DOCK3: variants seen among roughly 807,000 people sequenced by gnomAD.
DOCK3 encodes the protein dedicator of cytokinesis protein 3.
A neutral mutation model predicts 265.6 loss-of-function variants in DOCK3; 60 were observed. That is an observed-to-expected ratio of 0.23 (90% CI 0.18 to 0.28). The LOEUF (loss-of-function observed/expected upper bound fraction) is 0.28, where lower values mean the gene tolerates loss of function less well. DOCK3 is among the 10% of genes least tolerant of loss of function. The probability of loss-of-function intolerance (pLI) is 1.00; values close to 1 mark genes in which losing one functional copy is unlikely to be tolerated. For missense variants in DOCK3, 1,981 were observed against 2,594.3 expected, an observed-to-expected ratio of 0.76 and a Z score of 5.14; for synonymous variants, 881 against 938.0, an observed-to-expected ratio of 0.94 and a Z score of 1.11.
intron 12 of DOCK3, among the ~76,000 whole-genome samples, chr3:51,180,176 C>T (rs2087199440): frequency 6.8e-6 from 1 of 148,070 alleles, no homozygotes; most frequent in South Asian, 2.1e-4. Flanking sequence ...CCACTGTGCT[C>T]CAGCCTGGGT....
intron 2 of DOCK3, among the ~76,000 whole-genome samples, chr3:50,840,498 C>G (rs907390144): frequency 3.9e-5 from 6 of 152,104 alleles, no homozygotes; most frequent in Admixed American, 3.3e-4. Flanking sequence ...GCTTTTGCTC[C>G]CTTGTCAAAG....
At chr3:51,339,894 C>T (rs1298363251) in intron 37 of DOCK3, among the ~76,000 whole-genome samples, 1 of 152,214 alleles carries the variant, frequency 6.6e-6, no homozygotes, top group Non-Finnish European at 1.5e-5. Flanking sequence ...TTTGTAGAAA[C>T]AGAGAATCCT....
chr3:50,770,461 A>C (rs891365914), intron 1 of DOCK3, among the ~76,000 whole-genome samples: 3 of 152,144 alleles, frequency 2.0e-5, no homozygotes, highest in Non-Finnish European at 2.9e-5. Context: ...AAAAAGAAAA[A>C]AAAAATCCGT....
chr3:51,119,735 T>C (rs2083926069), intron 9 of DOCK3, among the ~76,000 whole-genome samples: 1 of 151,956 alleles, frequency 6.6e-6, no homozygotes, highest in South Asian at 2.1e-4. Flanking sequence ...TGATATCCTT[T>C]CTTCTGCTTG....
At chr3:50,691,353 A>C (rs1403209214) in intron 1 of DOCK3, among the ~76,000 whole-genome samples, 5 of 151,368 alleles carry the variant, frequency 3.3e-5, no homozygotes, top group Non-Finnish European at 7.4e-5. Flanking sequence ...ACTTAGCATG[A>C]GGTCTTCAGG....
chr3:50,809,700 G>A (rs1225429222), intron 2 of DOCK3, among the ~76,000 whole-genome samples: 1 of 152,162 alleles, frequency 6.6e-6, no homozygotes, highest in Non-Finnish European at 1.5e-5. Context: ...ACAACTGAAT[G>A]TGATATAGAA....
chr3:51,304,385 C>T (rs913443826), intron 27 of DOCK3, among the ~76,000 whole-genome samples: 3 of 152,036 alleles, frequency 2.0e-5, no homozygotes, highest in Non-Finnish European at 4.4e-5. Context: ...TAGTCTTAGG[C>T]AGCAGGCAGC....
chr3:51,025,827 C>T (rs991947453), intron 5 of DOCK3, among the ~76,000 whole-genome samples: 1 of 152,204 alleles, frequency 6.6e-6, no homozygotes, highest in Non-Finnish European at 1.5e-5. Flanking sequence ...ATGCCACTTT[C>T]TAAATTTGAT....
intron 2 of DOCK3, among the ~76,000 whole-genome samples, chr3:50,802,132 T>A (rs1042708331): frequency 9.2e-5 from 14 of 152,164 alleles, no homozygotes; most frequent in African/African-American, 3.1e-4. Context: ...AGGGTCTTTC[T>A]TTTTTATCCA....
At chr3:51,085,008 C>A (rs1240742074) in intron 7 of DOCK3, among the ~76,000 whole-genome samples, 1 of 151,978 alleles carries the variant, frequency 6.6e-6, no homozygotes, top group Non-Finnish European at 1.5e-5. Context: ...CAAATAGAAA[C>A]CTAAAGCATG....
chr3:51,101,413 C>T (rs991564670), intron 9 of DOCK3, among the ~76,000 whole-genome samples: 4 of 152,168 alleles, frequency 2.6e-5, no homozygotes, highest in Admixed American at 2.6e-4. Context: ...AGCCACCGCG[C>T]CCGGCCTCGG....
chr3:51,155,941 T>C (rs770215002), intron 10 of DOCK3, among the ~76,000 whole-genome samples: 3 of 152,208 alleles, frequency 2.0e-5, no homozygotes, highest in Non-Finnish European at 2.9e-5. Context: ...TTTGCTGTCA[T>C]ATTTAAGTGA....
chr3:50,975,419 C>T (rs1264378021), intron 5 of DOCK3, among the ~76,000 whole-genome samples: 2 of 149,446 alleles, frequency 1.3e-5, no homozygotes, highest in South Asian at 2.1e-4. Context: ...TTGTCTTTGG[C>T]TCTGTTTATA....
At chr3:50,864,876 G>C (rs956683273) in intron 3 of DOCK3, among the ~76,000 whole-genome samples, 1 of 151,824 alleles carries the variant, frequency 6.6e-6, no homozygotes, top group Non-Finnish European at 1.5e-5. Context: ...CAGGTATTAT[G>C]ATGCGTCCAG....
At chr3:51,340,913 G>A (rs948346882) in intron 37 of DOCK3, among the ~76,000 whole-genome samples, 1 of 152,224 alleles carries the variant, frequency 6.6e-6, no homozygotes, top group Admixed American at 6.5e-5. Flanking sequence ...TCTCTCTGAT[G>A]TGTCAATGTC....
At chr3:50,853,691 A>G (rs957412479) in intron 3 of DOCK3, among the ~76,000 whole-genome samples, 4 of 152,114 alleles carry the variant, frequency 2.6e-5, no homozygotes, top group Non-Finnish European at 2.9e-5. Flanking sequence ...ATATAACCAC[A>G]TGTTCTTTAT....
chr3:50,833,438 T>A (rs1168007928), intron 2 of DOCK3, among the ~76,000 whole-genome samples: 1 of 152,236 alleles, frequency 6.6e-6, no homozygotes, highest in Non-Finnish European at 1.5e-5. Flanking sequence ...ATTTTTCACA[T>A]AGGCTTTTTA....
At chr3:51,249,022 G>A (rs1338980608) in intron 22 of DOCK3, among the ~76,000 whole-genome samples, 1 of 151,114 alleles carries the variant, frequency 6.6e-6, no homozygotes, top group East Asian at 2.0e-4. Flanking sequence ...GAAGTGAGGA[G>A]CCTCTCCGCC....
chr3:51,370,541 C>T (rs911603776), intron 49 of DOCK3, among the ~76,000 whole-genome samples: 9 of 152,214 alleles, frequency 5.9e-5, no homozygotes, highest in Non-Finnish European at 1.2e-4. Context: ...ACCACCTTTT[C>T]CTTCCAGCCG....
Sources: gnomAD v4.1 joint callset for allele counts (sites outside exome capture counted in the v4.1 genomes callset) on GRCh38, gnomAD v4.1.1 for gene constraint, MANE v1.5 for transcripts, NCBI Gene and HGNC (gene_info 2026-07-23, HGNC 2026-07-21) for gene names.